The following RIC8B variants were observed in gnomAD, a reference collection of about 807,000 sequenced individuals.
The protein encoded by RIC8B is RIC8 guanine nucleotide exchange factor B.
RIC8B carries 16 observed loss-of-function variants against 57.5 expected under a neutral mutation model. The ratio of observed to expected loss-of-function variants is 0.28; its 90% CI spans 0.19 to 0.42. The LOEUF is 0.42. Among genes scored for constraint, RIC8B ranks in the 10% least tolerant of loss-of-function variants. RIC8B has a pLI of 1.00. For missense variants in RIC8B, 481 were observed against 677.0 expected (o/e 0.71, Z 3.21); for synonymous variants, 216 against 250.8 (o/e 0.86, Z 1.31).
chr12:106,885,514 C>G (rs547716498), intron 9 of RIC8B, among the ~76,000 whole-genome samples: 2 of 151,808 alleles, frequency 1.3e-5, no homozygotes, highest in African/African-American at 4.8e-5. Flanking sequence ...ATTGTATGCT[C>G]CAACCACTGG....
intron 8 of RIC8B, among the ~76,000 whole-genome samples, chr12:106,869,688 C>A (rs1414489071): frequency 6.6e-6 from 1 of 152,084 alleles, no homozygotes; most frequent in Non-Finnish European, 1.5e-5. Flanking sequence ...GGCTCTAATC[C>A]CAGCACTTCA....
At chr12:106,840,038 G>C (rs981904222) in intron 4 of RIC8B, among the ~76,000 whole-genome samples, 1 of 152,082 alleles carries the variant, frequency 6.6e-6, no homozygotes, top group Non-Finnish European at 1.5e-5. Flanking sequence ...AATGAATAAA[G>C]AGGGCAAAAG....
intron 9 of RIC8B, chr12:106,878,936 G>T: frequency 1.0e-6 from 1 of 983,074 alleles, no homozygotes; most frequent in East Asian, 1.1e-4. Flanking sequence ...CTAACATGCT[G>T]TTTTATCAAA....
chr12:106,885,376 G>A lies in RIC8B; in HGVS notation c.1572-528G>A, dbSNP rs546282365. ...GAAGGAAAGAAAAGTCGGGGAGAGA[G>A]TTGGGGAAGGCCAACTAATTTGAAA... On this transcript the variant is annotated intron_variant, in intron 9 of 9. Transcript: ENST00000392837. Among the ~76,000 whole-genome samples, 35 of 152,212 alleles carry A rather than the reference G, an allele frequency of 2.3e-4. 1 individual carries two copies. The East Asian group carries it at 6.0e-3, about 26-fold the overall frequency.
At chr12:106,810,368 G>T (rs1287917990) in intron 2 of RIC8B, among the ~76,000 whole-genome samples, 1 of 151,540 alleles carries the variant, frequency 6.6e-6, no homozygotes, top group Non-Finnish European at 1.5e-5. Flanking sequence ...TGATTTAAAA[G>T]CCACTACAAT....
chr12:106,864,293 A>G (rs2136540369), intron 8 of RIC8B, among the ~76,000 whole-genome samples: 1 of 152,228 alleles, frequency 6.6e-6, no homozygotes, highest in South Asian at 2.1e-4. Context: ...ATGCATCTCC[A>G]TAGTAAGGAT....
In RIC8B at chr12:106,886,675, G is replaced by A. The variant is rs899434591; in HGVS notation, c.*660G>A. The A allele has an allele frequency of 6.6e-6, 1 of 152,618 alleles. No homozygotes were observed. Among genetic ancestry groups the A allele is most frequent in the Non-Finnish European group, 1.5e-5 (1 of 68,048 alleles). 9.5% of individuals were successfully genotyped at this position (152,618 alleles called of 1,614,324 possible). ...TAAATGATGGTTTAGTTCTCAGGCA[G>A]CTACAAATGCCTATTTATTCCCTAA... On this transcript the variant is annotated 3_prime_UTR_variant, in exon 10 of 10. Coordinates refer to ENST00000392837, the MANE Select transcript of RIC8B (RefSeq NM_001330145.2).
intron 3 of RIC8B, among the ~76,000 whole-genome samples, chr12:106,816,264 A>G (rs1367448607): frequency 9.9e-5 from 15 of 152,240 alleles, no homozygotes; most frequent in Admixed American, 9.8e-4. Context: ...ACCCATGAGT[A>G]AAGATCTGTT....
intron 4 of RIC8B, among the ~76,000 whole-genome samples, chr12:106,837,810 T>C (rs1209787207): frequency 8.6e-5 from 13 of 152,016 alleles, no homozygotes; most frequent in Non-Finnish European, 1.9e-4. Flanking sequence ...CCTGGCTAAT[T>C]TTTGTATTTT....
In RIC8B at chr12:106,848,511, A is replaced by G. The variant is rs147078692; in HGVS notation, c.1162-2939A>G. Among the ~76,000 whole-genome samples the G allele has an allele frequency of 5.6e-3, 856 of 152,332 alleles. 10 individuals are homozygous for G. The highest frequency in any genetic ancestry group is 0.02 in the African/African-American group (818 of 41,564). ...AGCATGGAAGCAGAGACCACTTACA[A>G]GGCTTTGGTATTAGTCCAGAGAAAT... On this transcript the variant is annotated intron_variant, in intron 6 of 9. Transcript: ENST00000392837.
rs2043730406 is a variant in RIC8B, at chr12:106,780,776, C to T, written c.85-3221C>T. ...GCTGTTTGAGTGTATCTTTAGAAATCTATGAAATTATTCCTAGCTCTCTAA... is the reference window on the plus strand; with the variant it reads ...GCTGTTTGAGTGTATCTTTAGAAATTTATGAAATTATTCCTAGCTCTCTAA... On this transcript the variant is annotated intron_variant, in intron 1 of 9. Transcript: ENST00000392837. 2.0e-5 allele frequency among the ~76,000 whole-genome samples: 3 copies of T among 152,206 alleles called. No homozygotes were observed. The South Asian group carries it at 6.2e-4, about 32-fold the overall frequency.
rs181072990 is a variant in RIC8B, at chr12:106,827,157, T to C, written c.836+1337T>C. Among the ~76,000 whole-genome samples the C allele has an allele frequency of 2.2e-4, 34 of 152,364 alleles. No individual in the cohort carries two copies. The East Asian group carries it at 6.2e-3, about 28-fold the overall frequency. On this transcript the variant is annotated intron_variant, in intron 4 of 9. Transcript: ENST00000392837. ...ACTGCTGTAAAAATTTATTGTACTC[T>C]GAGAACAACTGAATAAGAATTAATG...
In RIC8B at chr12:106,818,397, C is replaced by T. The variant is rs1189632332; in HGVS notation, c.741+3093C>T. Among the ~76,000 whole-genome samples, 7 of 152,084 alleles carry T rather than the reference C, an allele frequency of 4.6e-5. No individual in the cohort carries two copies. In the South Asian group the frequency reaches 8.3e-4, roughly 18 times the overall value. The stretch of plus-strand genomic sequence containing the variant: ...GCCAGGCTGGTCTTGAACTCCTGAC[C>T]TCATGATCCACCCGCCTCGGCCTCC... On this transcript the variant is annotated intron_variant, in intron 3 of 9. Transcript: ENST00000392837.
At chr12:106,809,457 A>C (rs2136263842) in intron 2 of RIC8B, among the ~76,000 whole-genome samples, 1 of 145,814 alleles carries the variant, frequency 6.9e-6, no homozygotes, top group East Asian at 2.2e-4. Flanking sequence ...CCGAAGGCGG[A>C]GGTTACAGTG....
intron 2 of RIC8B, among the ~76,000 whole-genome samples, chr12:106,786,497 T>C (rs1042208369): frequency 1.3e-5 from 2 of 152,096 alleles, no homozygotes; most frequent in Admixed American, 6.5e-5. Context: ...TACTCATATA[T>C]CTGATGGGAG....
intron 2 of RIC8B, among the ~76,000 whole-genome samples, chr12:106,813,861 A>G (rs1034200416): frequency 1.3e-5 from 2 of 152,174 alleles, no homozygotes; most frequent in Middle Eastern, 3.2e-3. Flanking sequence ...TGCAGTTTGT[A>G]GAGAAGAAAA....
At chr12:106,823,581 G>A (rs1452564841) in intron 3 of RIC8B, 1 of 368,142 alleles carries the variant, frequency 2.7e-6, no homozygotes, top group African/African-American at 2.1e-5. Context: ...ATAATTTAAA[G>A]GGAAGTGTAT....
rs182954913 is a variant in RIC8B at position 106,853,590 on chromosome 12, G to A, written c.1306+1996G>A. On this transcript the variant is annotated intron_variant, in intron 7 of 9. Coordinates refer to ENST00000392837, the MANE Select transcript of RIC8B (RefSeq NM_001330145.2). ...TTGAAGCGATTCTCCTGCCTCAGCCGTCTGAGTAGCTGGGACTACAGGCAC... is the reference window on the plus strand; with the variant it reads ...TTGAAGCGATTCTCCTGCCTCAGCCATCTGAGTAGCTGGGACTACAGGCAC... Among the ~76,000 whole-genome samples the A allele has an allele frequency of 1.9e-3, 276 of 148,164 alleles. 1 individual carries two copies. Among genetic ancestry groups the A allele is most frequent in the African/African-American group, 6.5e-3 (262 of 40,200 alleles).
intron 4 of RIC8B, among the ~76,000 whole-genome samples, chr12:106,826,845 T>G (rs1039258559): frequency 1.3e-5 from 2 of 152,182 alleles, no homozygotes; most frequent in Non-Finnish European, 2.9e-5. Context: ...ACTAGCACTT[T>G]GGGAGGCTGA....
Sources: gnomAD v4.1 joint callset for allele counts (sites outside exome capture counted in the v4.1 genomes callset) on GRCh38, gnomAD v4.1.1 for gene constraint, MANE v1.5 for transcripts, NCBI Gene and HGNC (gene_info 2026-07-23, HGNC 2026-07-21) for gene names.